Variants in HTR7 observed in about 807,000 individuals in gnomAD.
The protein encoded by HTR7 is 5-hydroxytryptamine receptor 7.
Under a neutral mutation model 34.0 loss-of-function variants are expected in HTR7, and 16 were observed. The ratio of observed to expected loss-of-function variants is 0.47; its 90% confidence interval spans 0.32 to 0.71. HTR7 has a LOEUF of 0.71. Ranked by LOEUF, HTR7 falls within the 30% of genes least tolerant of loss-of-function variation. The probability of loss-of-function intolerance (pLI) is 0.04; values close to 1 mark genes in which losing one functional copy is unlikely to be tolerated. For missense variants in HTR7, 504 were observed against 625.5 expected (o/e 0.81, Z 2.07); for synonymous variants, 265 against 260.2 (o/e 1.02, Z -0.18).
chr10:90,819,370 C>A (rs901428652), intron 1 of HTR7, among the ~76,000 whole-genome samples: 3 of 152,074 alleles, frequency 2.0e-5, no homozygotes, highest in Admixed American at 6.6e-5. Context: ...TACACTTCTA[C>A]CCCTTCTTAG....
chr10:90,813,040 C>G (rs1845840150), intron 1 of HTR7, among the ~76,000 whole-genome samples: 1 of 152,018 alleles, frequency 6.6e-6, no homozygotes, highest in African/African-American at 2.4e-5. Context: ...AAAAACCTCC[C>G]CCACTGAGCA....
At chr10:90,807,296 C>G (rs960044038) in intron 1 of HTR7, among the ~76,000 whole-genome samples, 1 of 152,078 alleles carries the variant, frequency 6.6e-6, no homozygotes, top group Non-Finnish European at 1.5e-5. Context: ...TATTGTCAGG[C>G]CTCTGAGCCC....
At chr10:90,836,254 C>T (rs2120072228) in intron 1 of HTR7, among the ~76,000 whole-genome samples, 1 of 152,096 alleles carries the variant, frequency 6.6e-6, no homozygotes. Flanking sequence ...CAGGTTTTTC[C>T]CAAAGGTAAA....
At chr10:90,845,821 C>T (rs1280320966) in intron 1 of HTR7, among the ~76,000 whole-genome samples, 10 of 152,162 alleles carry the variant, frequency 6.6e-5, no homozygotes, top group African/African-American at 2.2e-4. Context: ...CCCTTGGTGC[C>T]CAGAAGCCAT....
chr10:90,744,450 A>G (rs2119660815), intron 2 of HTR7, among the ~76,000 whole-genome samples: 1 of 151,980 alleles, frequency 6.6e-6, no homozygotes, highest in South Asian at 2.1e-4. Flanking sequence ...CTACTGCATC[A>G]GTCTTGACCA....
In HTR7 at chr10:90,748,515, T is replaced by TTA. The variant is rs536436491; in HGVS notation, c.1295+322_1295+323dup. Among the ~76,000 whole-genome samples the TTA allele has an allele frequency of 2.2e-3, 330 of 152,334 alleles. 1 individual carries two copies. The highest frequency in any genetic ancestry group is 0.014 in the Middle Eastern group (4 of 294). ...AATAATAACAACTAAAATAATAATGTTACACAAATTCAGATGTAAGGATAT... is the reference window on the plus strand; with the variant it reads ...AATAATAACAACTAAAATAATAATGTTATACACAAATTCAGATGTAAGGATAT... On this transcript the variant is annotated intron_variant, in intron 2 of 3. Transcript: ENST00000336152.
intron 1 of HTR7, among the ~76,000 whole-genome samples, chr10:90,786,393 G>A (rs1405054582): frequency 1.3e-5 from 2 of 152,150 alleles, no homozygotes; most frequent in African/African-American, 2.4e-5. Context: ...GTATTTTGGG[G>A]AATTTGAAGC....
At chr10:90,849,240 A>T (rs1173842060) in intron 1 of HTR7, among the ~76,000 whole-genome samples, 1 of 152,244 alleles carries the variant, frequency 6.6e-6, no homozygotes, top group Non-Finnish European at 1.5e-5. Flanking sequence ...TGATAACACT[A>T]AACTATTTGC....
intron 1 of HTR7, among the ~76,000 whole-genome samples, chr10:90,830,789 G>GGAAA (rs1554858154): frequency 1.2e-5 from 1 of 83,808 alleles, no homozygotes; most frequent in Admixed American, 1.4e-4. Context: ...CCCTGTCTCA[G>GGAAA]AAAAAAAAAA....
chr10:90,762,458 C>T (rs527631266), intron 1 of HTR7, among the ~76,000 whole-genome samples: 1 of 152,220 alleles, frequency 6.6e-6, no homozygotes, highest in South Asian at 2.1e-4. Flanking sequence ...TATTCAGGTC[C>T]TTTTCCCATT....
At chr10:90,779,945 C>T (rs996021082) in intron 1 of HTR7, among the ~76,000 whole-genome samples, 2 of 152,180 alleles carry the variant, frequency 1.3e-5, no homozygotes, top group African/African-American at 2.4e-5. Context: ...ATCTGTATTC[C>T]CATCAGTCAT....
chr10:90,770,786 C>T (rs1287517094), intron 1 of HTR7, among the ~76,000 whole-genome samples: 1 of 152,194 alleles, frequency 6.6e-6, no homozygotes, highest in Non-Finnish European at 1.5e-5. Flanking sequence ...TGCCATGGAC[C>T]CTAGCAGGAG....
intron 1 of HTR7, among the ~76,000 whole-genome samples, chr10:90,784,825 T>A (rs1029779098): frequency 2.0e-5 from 3 of 152,204 alleles, no homozygotes; most frequent in Non-Finnish European, 4.4e-5. Context: ...TGACTTGGCA[T>A]CATTAGTTCC....
intron 1 of HTR7, among the ~76,000 whole-genome samples, chr10:90,826,924 G>A (rs537832734): frequency 5.9e-5 from 9 of 151,738 alleles, no homozygotes; most frequent in South Asian, 2.1e-4. Flanking sequence ...GTGACACAGC[G>A]AGACTCCATC....
chr10:90,790,867 G>A (rs7074548), intron 1 of HTR7, among the ~76,000 whole-genome samples: 12,311 of 152,106 alleles, frequency 0.081, 746 homozygotes, highest in African/African-American at 0.17. Context: ...GTAAGAGAGA[G>A]AGAAAATTAC....
intron 1 of HTR7, among the ~76,000 whole-genome samples, chr10:90,753,099 A>G (rs1844767839): frequency 6.6e-6 from 1 of 152,270 alleles, no homozygotes. Flanking sequence ...AAATGGCAAT[A>G]TCACAATATT....
intron 1 of HTR7, among the ~76,000 whole-genome samples, chr10:90,833,943 C>A (rs1024083020): frequency 2.6e-5 from 4 of 152,140 alleles, no homozygotes; most frequent in Non-Finnish European, 5.9e-5. Flanking sequence ...TGGCTGGTGT[C>A]TTTTATGACT....
intron 1 of HTR7, among the ~76,000 whole-genome samples, chr10:90,776,825 T>A (rs1482665718): frequency 6.6e-6 from 1 of 152,226 alleles, no homozygotes; most frequent in Non-Finnish European, 1.5e-5. Context: ...TTTTCTTTGC[T>A]GATTACAAAG....
Position 90,800,071 on chromosome 10 carries a change from TAAG to T in HTR7, c.540-50480_540-50478del, listed in dbSNP as rs972959298. Among the ~76,000 whole-genome samples the T allele has an allele frequency of 9.9e-5, 15 of 152,254 alleles. No individual in the cohort carries two copies. The East Asian group carries it at 2.7e-3, about 27-fold the overall frequency. On this transcript the variant is annotated intron_variant, in intron 1 of 3. Coordinates refer to ENST00000336152, the MANE Select transcript of HTR7 (RefSeq NM_019859.4). ...CAATTGGCTAAGATAACACCATTAA[TAAG>T]AAGAAAAATACAAATTTAAATGACA...
Sources: allele counts gnomAD v4.1 joint callset (sites outside exome capture counted in the v4.1 genomes callset), GRCh38; gene constraint gnomAD v4.1.1; transcripts MANE v1.5; gene names NCBI Gene and HGNC (gene_info 2026-07-23, HGNC 2026-07-21).